ZNF385B: variants seen among roughly 807,000 people sequenced by gnomAD.
The protein encoded by ZNF385B is zinc finger protein 385B, also known as zinc finger protein 533.
Under a neutral mutation model 39.2 loss-of-function variants are expected in ZNF385B, and 23 were observed. The ratio of observed to expected loss-of-function variants is 0.59; its 90% CI spans 0.42 to 0.83. ZNF385B has a LOEUF of 0.83. ZNF385B is among the 40% of genes least tolerant of loss of function. ZNF385B has a pLI of 0.00. For synonymous variants in ZNF385B, 205 were observed against 222.6 expected (o/e 0.92, Z 0.70); for missense variants, 552 against 598.9 (o/e 0.92, Z 0.82).
chr2:179,580,309 G>C (rs939321298), intron 3 of ZNF385B, among the ~76,000 whole-genome samples: 1 of 152,138 alleles, frequency 6.6e-6, no homozygotes, highest in Non-Finnish European at 1.5e-5. Context: ...TAGAAAAAGA[G>C]AGTTTAGGAA....
intron 3 of ZNF385B, among the ~76,000 whole-genome samples, chr2:179,680,242 A>G (rs2106323890): frequency 6.6e-6 from 1 of 152,320 alleles, no homozygotes; most frequent in African/African-American, 2.4e-5. Flanking sequence ...TTAGTAAACT[A>G]TAAATAAAAT....
chr2:179,546,179 G>C (rs1323168638), intron 3 of ZNF385B, among the ~76,000 whole-genome samples: 1 of 152,062 alleles, frequency 6.6e-6, no homozygotes, highest in Admixed American at 6.6e-5. Flanking sequence ...GGGACTACAG[G>C]TACATGCCAC....
intron 1 of ZNF385B, among the ~76,000 whole-genome samples, chr2:179,856,315 A>G (rs1684590381): frequency 6.6e-6 from 1 of 152,172 alleles, no homozygotes; most frequent in Admixed American, 6.5e-5. Flanking sequence ...CGGGATCATC[A>G]GAAGATTTTT....
chr2:179,820,508 C>T (rs1032426744), intron 1 of ZNF385B, among the ~76,000 whole-genome samples: 1 of 151,924 alleles, frequency 6.6e-6, no homozygotes, highest in Non-Finnish European at 1.5e-5. Context: ...TCTTAACATA[C>T]TCTTATCTGC....
chr2:179,664,628 T>C (rs912485502), intron 3 of ZNF385B, among the ~76,000 whole-genome samples: 1 of 152,144 alleles, frequency 6.6e-6, no homozygotes, highest in Non-Finnish European at 1.5e-5. Context: ...ATCCTAAATG[T>C]CCAACAGCAG....
chr2:179,529,601 G>T (rs551658928), intron 4 of ZNF385B, among the ~76,000 whole-genome samples: 13 of 151,776 alleles, frequency 8.6e-5, no homozygotes, highest in East Asian at 6.0e-4. Context: ...AAACTACCTG[G>T]AAATCTTTCA....
intron 3 of ZNF385B, among the ~76,000 whole-genome samples, chr2:179,753,589 G>A (rs1350826511): frequency 6.6e-6 from 1 of 152,080 alleles, no homozygotes; most frequent in Non-Finnish European, 1.5e-5. Context: ...TCTTCCATTT[G>A]TTTGTTTCCT....
intron 5 of ZNF385B, among the ~76,000 whole-genome samples, chr2:179,484,780 G>A (rs1041371867): frequency 6.6e-6 from 1 of 152,200 alleles, no homozygotes; most frequent in Non-Finnish European, 1.5e-5. Flanking sequence ...ATGGACCAGA[G>A]GGGAGTGGTA....
intron 5 of ZNF385B, among the ~76,000 whole-genome samples, chr2:179,501,289 CTA>C (rs1395993413): frequency 5.9e-5 from 9 of 152,134 alleles, no homozygotes; most frequent in Admixed American, 1.3e-4. Flanking sequence ...AAGTGCACTC[CTA>C]TGTTTGTTGC....
At chr2:179,642,088 G>A (rs185492044) in intron 3 of ZNF385B, among the ~76,000 whole-genome samples, 201 of 152,194 alleles carry the variant, frequency 1.3e-3, no homozygotes, top group African/African-American at 4.6e-3. Context: ...AGTTTTCAGA[G>A]ATATTGAAAA....
At chr2:179,555,763 T>G (rs556752393) in intron 3 of ZNF385B, among the ~76,000 whole-genome samples, 1 of 149,092 alleles carries the variant, frequency 6.7e-6, no homozygotes, top group African/African-American at 2.5e-5. Context: ...CAGACTCTAG[T>G]GATGCCAAAG....
At chr2:179,524,744 G>A (rs1243296709) in intron 4 of ZNF385B, among the ~76,000 whole-genome samples, 1 of 151,944 alleles carries the variant, frequency 6.6e-6, no homozygotes. Context: ...TCAATTGGAG[G>A]CTGGGAAAAG....
chr2:179,817,862 T>A lies in ZNF385B; in HGVS notation c.-155+43239A>T, dbSNP rs116901740. Among the ~76,000 whole-genome samples the A allele has an allele frequency of 3.4e-4, 52 of 152,262 alleles. 2 individuals are homozygous for A. In the East Asian group the frequency reaches 9.8e-3, roughly 29 times the overall value. On this transcript the variant is annotated intron_variant, in intron 1 of 9. Coordinates refer to ENST00000410066, the MANE Select transcript of ZNF385B (RefSeq NM_152520.6). Reference sequence around the variant, plus strand: ...GTGTGTCAATCTGAGAAAGAGAAAGTTCATGCGCATACGCAATTTTCCCCT... The same window carrying A: ...GTGTGTCAATCTGAGAAAGAGAAAGATCATGCGCATACGCAATTTTCCCCT...
chr2:179,687,395 A>C (rs1698004721), intron 3 of ZNF385B, among the ~76,000 whole-genome samples: 1 of 152,004 alleles, frequency 6.6e-6, no homozygotes, highest in Admixed American at 6.6e-5. Flanking sequence ...GATTCTCTTC[A>C]TTCACATTAT....
At chr2:179,578,412 C>T (rs571346959) in intron 3 of ZNF385B, among the ~76,000 whole-genome samples, 102 of 152,186 alleles carry the variant, frequency 6.7e-4, no homozygotes, top group African/African-American at 2.4e-3. Flanking sequence ...TACACAAAAG[C>T]AAACTAATGT....
At chr2:179,479,766 G>A (rs1336050517) in intron 6 of ZNF385B, among the ~76,000 whole-genome samples, 1 of 152,112 alleles carries the variant, frequency 6.6e-6, no homozygotes, top group Non-Finnish European at 1.5e-5. Flanking sequence ...TTGAATGTGG[G>A]AGGTAGAGTT....
At position 179,633,912 on chromosome 2, in the gene ZNF385B, C is replaced by G. The variant is rs546831387; in HGVS notation, c.299-88943G>C. Among the ~76,000 whole-genome samples the G allele has an allele frequency of 3.9e-5, 6 of 152,244 alleles. No individual in the cohort carries two copies. In the South Asian group the frequency reaches 1.2e-3, roughly 32 times the overall value. The stretch of plus-strand genomic sequence containing the variant: ...CCTCAGAAATAATACCACACATCTA[C>G]AACCATCTGATCTTTGACAAACCTG... On this transcript the variant is annotated intron_variant, in intron 3 of 9. Transcript: ENST00000410066.
intron 1 of ZNF385B, among the ~76,000 whole-genome samples, chr2:179,807,758 G>A (rs935584100): frequency 1.3e-5 from 2 of 151,668 alleles, no homozygotes; most frequent in Non-Finnish European, 2.9e-5. Flanking sequence ...AGCTGGGCGT[G>A]GTGGCAGGCG....
intron 1 of ZNF385B, among the ~76,000 whole-genome samples, chr2:179,856,260 C>T (rs900597788): frequency 6.6e-6 from 1 of 152,080 alleles, no homozygotes; most frequent in Non-Finnish European, 1.5e-5. Flanking sequence ...TTATCTAGAA[C>T]AGGAACCTGA....
Sources: allele counts gnomAD v4.1 joint callset (sites outside exome capture counted in the v4.1 genomes callset), GRCh38; gene constraint gnomAD v4.1.1; transcripts MANE v1.5; gene names NCBI Gene and HGNC (gene_info 2026-07-23, HGNC 2026-07-21).